The following CHLSN variants were observed in gnomAD, a reference collection of about 807,000 sequenced individuals.
CHLSN encodes the protein cholesin.
the CHLSN span, chr7:1,028,775 TGCC>T: frequency 9.7e-5 from 72 of 744,472 alleles, no homozygotes; most frequent in African/African-American, 1.5e-3. Flanking sequence ...TCCCCTAGTC[TGCC>T]GCCATCTGTC....
At chr7:1,053,707 A>G in the CHLSN span, among the ~76,000 whole-genome samples, 1,053 of 152,286 alleles carry the variant, frequency 6.9e-3, 8 homozygotes, top group African/African-American at 0.024. Context: ...GTCGCCTGTA[A>G]TCCCAGCTAT....
the CHLSN span, among the ~76,000 whole-genome samples, chr7:979,454 AAAAACGC>A: frequency 1.3e-5 from 2 of 152,056 alleles, no homozygotes; most frequent in Non-Finnish European, 2.9e-5. Context: ...TATCTTTTTA[AAAAACGC>A]AGTGATTTGG....
the CHLSN span, among the ~76,000 whole-genome samples, chr7:1,061,419 G>A: frequency 1.3e-5 from 2 of 151,940 alleles, no homozygotes; most frequent in South Asian, 2.1e-4. Context: ...TACCCAGCGA[G>A]TCCCCTCCTC....
At chr7:1,041,695 T>A in the CHLSN span, among the ~76,000 whole-genome samples, 1 of 152,136 alleles carries the variant, frequency 6.6e-6, no homozygotes. Context: ...ATATTCCTTG[T>A]CCGTGATCAG....
the CHLSN span, chr7:1,081,859 A>G: frequency 6.6e-6 from 1 of 152,304 alleles, no homozygotes; most frequent in Non-Finnish European, 1.5e-5. Context: ...AGGAGAAAGC[A>G]GTCAGCAGCC....
chr7:998,157 C>T, the CHLSN span, among the ~76,000 whole-genome samples: 4 of 152,252 alleles, frequency 2.6e-5, no homozygotes, highest in East Asian at 1.9e-4. Flanking sequence ...AAGTACGCGC[C>T]GGCACTTGGC....
At chr7:1,049,428 G>A in the CHLSN span, among the ~76,000 whole-genome samples, 6 of 152,312 alleles carry the variant, frequency 3.9e-5, no homozygotes, top group Admixed American at 2.6e-4. Flanking sequence ...TGGGGAAACC[G>A]AGGCACACAG....
At chr7:1,019,623 G>A in the CHLSN span, among the ~76,000 whole-genome samples, 1 of 152,248 alleles carries the variant, frequency 6.6e-6, no homozygotes, top group Admixed American at 6.5e-5. Flanking sequence ...AGGGGAGGCT[G>A]CGCAGGCCTA....
the CHLSN span, among the ~76,000 whole-genome samples, chr7:1,077,219 C>A: frequency 6.6e-6 from 1 of 152,062 alleles, no homozygotes; most frequent in Non-Finnish European, 1.5e-5. Flanking sequence ...GCAGTGGTGC[C>A]ATCTAGGCTC....
chr7:999,661 G>A, the CHLSN span, among the ~76,000 whole-genome samples: 1 of 152,368 alleles, frequency 6.6e-6, no homozygotes, highest in African/African-American at 2.4e-5. Flanking sequence ...AGTGGGGCTG[G>A]TGGGCCTGCC....
chr7:1,078,350 G>A, the CHLSN span, among the ~76,000 whole-genome samples: 9 of 89,850 alleles, frequency 1.0e-4, no homozygotes, highest in African/African-American at 3.4e-4. Context: ...GCTGCGGGGT[G>A]GGGGGGGGCT....
chr7:1,126,666 G>C, the CHLSN span, among the ~76,000 whole-genome samples: 1 of 152,006 alleles, frequency 6.6e-6, no homozygotes, highest in African/African-American at 2.4e-5. Context: ...GGGCGACAGA[G>C]ACTGTGTCTC....
chr7:1,091,250 C>A, the CHLSN span, among the ~76,000 whole-genome samples: 5 of 152,218 alleles, frequency 3.3e-5, no homozygotes, highest in South Asian at 6.2e-4. Flanking sequence ...CTCAGCTCAA[C>A]CACAGCCACC....
At chr7:1,004,181 C>A in the CHLSN span, among the ~76,000 whole-genome samples, 16 of 152,214 alleles carry the variant, frequency 1.1e-4, no homozygotes, top group South Asian at 2.7e-3. Flanking sequence ...CGTCTGCTCC[C>A]CGGATGGCCG....
chr7:1,099,919 T>C, the CHLSN span, among the ~76,000 whole-genome samples: 3 of 152,190 alleles, frequency 2.0e-5, no homozygotes, highest in African/African-American at 7.2e-5. Flanking sequence ...CGGCAAACCC[T>C]GAGTAATACC....
At chr7:1,104,603 T>C in the CHLSN span, among the ~76,000 whole-genome samples, 2 of 152,320 alleles carry the variant, frequency 1.3e-5, no homozygotes, top group South Asian at 4.1e-4. Flanking sequence ...GGCCACCCCG[T>C]GCCACTCAGA....
chr7:1,079,646 G>C, the CHLSN span, among the ~76,000 whole-genome samples: 14 of 152,234 alleles, frequency 9.2e-5, no homozygotes, highest in African/African-American at 3.4e-4. Flanking sequence ...GGAAGTGGCA[G>C]GGGCAGCAGC....
At chr7:1,034,541 G>A in the CHLSN span, among the ~76,000 whole-genome samples, 2 of 152,166 alleles carry the variant, frequency 1.3e-5, no homozygotes, top group Admixed American at 6.5e-5. Context: ...GGTGCAGCAC[G>A]GGCAGTGGGA....
the CHLSN span, among the ~76,000 whole-genome samples, chr7:1,050,802 G>A: frequency 5.0e-4 from 76 of 152,186 alleles, no homozygotes; most frequent in African/African-American, 1.8e-3. Context: ...ACCCAGAGAC[G>A]GGCACACCGG....
Sources: gnomAD v4.1 joint callset for allele counts (sites outside exome capture counted in the v4.1 genomes callset) on GRCh38, gnomAD v4.1.1 for gene constraint, MANE v1.5 for transcripts, NCBI Gene and HGNC (gene_info 2026-07-23, HGNC 2026-07-21) for gene names.